Variants in SMAGP observed in about 807,000 individuals in gnomAD.
The protein encoded by SMAGP is small cell transmembrane and glycosylated protein.
A neutral mutation model predicts 10.1 loss-of-function variants in SMAGP; 7 were observed. That is an observed-to-expected ratio of 0.70 (90% CI 0.40 to 1.31). SMAGP has a LOEUF of 1.31. Ranked by LOEUF, SMAGP falls within the 50% of genes most tolerant of loss-of-function variation. The pLI, the probability that SMAGP is intolerant of heterozygous loss-of-function variation, is 0.01. For synonymous variants in SMAGP, 49 were observed against 47.2 expected (o/e 1.04, Z -0.16); for missense variants, 113 against 116.5 (o/e 0.97, Z 0.14).
rs1327365042 is a variant in SMAGP at position 51,270,402 on chromosome 12, G to C, written c.-185C>G. On this transcript the variant is annotated 5_prime_UTR_variant, in exon 1 of 4. Transcript: ENST00000603798. ...CGGAGGAAGCCGCGGGTGGCGCGCG[G>C]GGTTGGCGCAGAGGCCGGAGGGGGT... The C allele has an allele frequency of 4.2e-6, 1 of 239,824 alleles. No individual in the cohort carries two copies. The highest frequency in any genetic ancestry group is 2.2e-5 in the African/African-American group (1 of 44,934). The allele number at this position is 239,824 out of a possible 1,614,324, so 14.9% of individuals were successfully genotyped here. A position where few individuals can be genotyped will look rare whatever the true frequency, so the allele number is the denominator to read the frequency against.
At chr12:51,265,569 G>T (rs956006591) in intron 2 of SMAGP, among the ~76,000 whole-genome samples, 1 of 152,184 alleles carries the variant, frequency 6.6e-6, no homozygotes, top group Non-Finnish European at 1.5e-5. Flanking sequence ...CTACAATATG[G>T]ATGAACTTTG....
At chr12:51,266,456 T>A (rs1592238180) in intron 2 of SMAGP, among the ~76,000 whole-genome samples, 2 of 119,698 alleles carry the variant, frequency 1.7e-5, no homozygotes, top group East Asian at 4.3e-4. Flanking sequence ...AAGGTGAAAG[T>A]TCTTGACTTA....
intron 2 of SMAGP, among the ~76,000 whole-genome samples, chr12:51,264,115 T>G (rs894599754): frequency 6.6e-6 from 1 of 152,078 alleles, no homozygotes; most frequent in Admixed American, 6.6e-5. Flanking sequence ...GAAGTCTTTA[T>G]AGACTGTGAG....
intron 2 of SMAGP, among the ~76,000 whole-genome samples, chr12:51,247,287 T>G (rs1028381886): frequency 3.9e-5 from 6 of 152,244 alleles, no homozygotes; most frequent in African/African-American, 1.2e-4. Context: ...TGTGTATATA[T>G]TTACATTATA....
intron 3 of SMAGP, 31 bp from the exon 4 acceptor site, chr12:51,246,150 T>C: frequency 2.5e-6 from 4 of 1,611,036 alleles, no homozygotes; most frequent in Non-Finnish European, 3.4e-6. Context: ...TGTAGAGATG[T>C]TTCAGGATTG....
At chr12:51,252,390 G>A (rs1054687834) in intron 2 of SMAGP, among the ~76,000 whole-genome samples, 8 of 141,496 alleles carry the variant, frequency 5.7e-5, no homozygotes, top group Non-Finnish European at 7.6e-5. Context: ...CACTGTGCCC[G>A]GCCTATTATT....
chr12:51,246,310 T>G, intron 3 of SMAGP, 191 bp from the exon 4 acceptor site: 4 of 755,622 alleles, frequency 5.3e-6, no homozygotes, highest in Non-Finnish European at 6.1e-6. Flanking sequence ...TGGAGTCTCC[T>G]GGTGCTTAAG....
chr12:51,258,446 TG>T (rs1944904360), intron 2 of SMAGP, among the ~76,000 whole-genome samples: 1 of 150,728 alleles, frequency 6.6e-6, no homozygotes, highest in South Asian at 2.1e-4. Flanking sequence ...AAAAATTAGC[TG>T]GGCATGGTGG....
intron 2 of SMAGP, among the ~76,000 whole-genome samples, chr12:51,263,275 C>T (rs1944945010): frequency 6.6e-6 from 1 of 151,428 alleles, no homozygotes; most frequent in South Asian, 2.1e-4. Context: ...CCCAGCTACT[C>T]GGGAGGCTGA....
At chr12:51,250,519 TTTG>T (rs1294577472) in intron 2 of SMAGP, among the ~76,000 whole-genome samples, 2 of 151,844 alleles carry the variant, frequency 1.3e-5, no homozygotes, top group East Asian at 1.9e-4. Context: ...TTGTTTTTTT[TTTG>T]TTGTTGTTGT....
At chr12:51,258,873 G>A (rs1379519706) in intron 2 of SMAGP, among the ~76,000 whole-genome samples, 1 of 151,112 alleles carries the variant, frequency 6.6e-6, no homozygotes, top group Non-Finnish European at 1.5e-5. Context: ...AAGGCTGGGT[G>A]CAGTGGCTCA....
chr12:51,246,225 TTTCA>T, intron 3 of SMAGP, 106 bp from the exon 4 acceptor site: 1 of 1,482,712 alleles, frequency 6.7e-7, no homozygotes, highest in Non-Finnish European at 9.1e-7. Flanking sequence ...ATCCTCTTGT[TTTCA>T]TTAACTAGTG....
At chr12:51,268,942 A>C (rs190396416) in intron 2 of SMAGP, among the ~76,000 whole-genome samples, 2 of 152,238 alleles carry the variant, frequency 1.3e-5, no homozygotes, top group East Asian at 3.9e-4. Context: ...GGCAGGTCTC[A>C]AACACCTAGC....
Position 51,245,796 on chromosome 12 carries a change from C to G in SMAGP, c.*145G>C. ...TGGTCCCTGGAGTCAGTGATGTCGG[C>G]ATTTGGGACTGCGACCTGGCTGGAG... On this transcript the variant is annotated 3_prime_UTR_variant, in exon 4 of 4. Transcript: ENST00000603798. The G allele has an allele frequency of 1.2e-6, 1 of 853,808 alleles. No homozygotes were observed. Among genetic ancestry groups the G allele is most frequent in the Non-Finnish European group, 1.8e-6 (1 of 558,254 alleles). 52.9% of individuals were successfully genotyped at this position (853,808 alleles called of 1,614,324 possible). A position where few individuals can be genotyped will look rare whatever the true frequency, so the allele number is the denominator to read the frequency against.
chr12:51,252,147 G>A (rs1298261790), intron 2 of SMAGP, among the ~76,000 whole-genome samples: 7 of 150,982 alleles, frequency 4.6e-5, no homozygotes, highest in Non-Finnish European at 1.0e-4. Context: ...AGGCTGGAGT[G>A]CAGTGGCGCG....
chr12:51,260,983 G>T (rs1177241792), intron 2 of SMAGP, among the ~76,000 whole-genome samples: 1 of 151,540 alleles, frequency 6.6e-6, no homozygotes, highest in African/African-American at 2.4e-5. Context: ...TAGAGAGGGG[G>T]TTTCACCATG....
rs1944740926 is a variant in SMAGP, at chr12:51,244,663, T to G, written c.*1278A>C. The G allele has an allele frequency of 6.6e-6, 1 of 152,184 alleles. No homozygotes were observed. The highest frequency in any genetic ancestry group is 6.5e-5 in the Admixed American group (1 of 15,278). The allele number at this position is 152,184 out of a possible 1,614,324, so 9.4% of individuals were successfully genotyped here. On this transcript the variant is annotated 3_prime_UTR_variant, in exon 4 of 4. Transcript: ENST00000603798. ...TTTTAAACACAACTTATCTTGAGAC[T>G]AAAATCCAAGAAGCTTCTTGGCTTG... is the stretch of plus-strand genomic sequence containing the variant.
chr12:51,257,063 T>A (rs905328446), intron 2 of SMAGP, among the ~76,000 whole-genome samples: 2 of 152,112 alleles, frequency 1.3e-5, no homozygotes, highest in Non-Finnish European at 2.9e-5. Context: ...AGGCAGAATA[T>A]AAATAAATGC....
At chr12:51,264,998 A>T (rs910306077) in intron 2 of SMAGP, among the ~76,000 whole-genome samples, 37 of 151,456 alleles carry the variant, frequency 2.4e-4, no homozygotes, top group African/African-American at 9.0e-4. Context: ...TTTAAAAAAA[A>T]TTTTTAAAGG....
Sources: gnomAD v4.1 joint callset for allele counts (sites outside exome capture counted in the v4.1 genomes callset) on GRCh38, gnomAD v4.1.1 for gene constraint, MANE v1.5 for transcripts, NCBI Gene and HGNC (gene_info 2026-07-23, HGNC 2026-07-21) for gene names.